The following RUNX2 variants were observed in gnomAD, a reference collection of about 807,000 sequenced individuals.
RUNX2 encodes runt-related transcription factor 2.
RUNX2 carries 10 observed loss-of-function variants against 51.7 expected under a neutral mutation model. That is an observed-to-expected ratio of 0.19 (90% confidence interval 0.12 to 0.33). RUNX2 has a LOEUF of 0.33. Ranked by LOEUF, RUNX2 falls within the 10% of genes least tolerant of loss-of-function variation. RUNX2 has a pLI of 1.00. For missense variants in RUNX2, 562 were observed against 691.3 expected, an observed-to-expected ratio of 0.81 and a Z score of 2.10; for synonymous variants, 276 against 273.6, an observed-to-expected ratio of 1.01 and a Z score of -0.09.
At chr6:45,480,233 G>A (rs994156099) in intron 5 of RUNX2, among the ~76,000 whole-genome samples, 1 of 152,176 alleles carries the variant, frequency 6.6e-6, no homozygotes, top group African/African-American at 2.4e-5. Context: ...GATATATGAG[G>A]TAATCCTTTG....
rs988065653 is a variant in RUNX2 at position 45,450,771 on chromosome 6, A to G, written c.685+12720A>G. Among the ~76,000 whole-genome samples the G allele has an allele frequency of 2.0e-5, 3 of 152,206 alleles. No homozygotes were observed. In the East Asian group the frequency reaches 5.8e-4, roughly 29 times the overall value. ...TGTGCAAACCTTGAACACAGTCAGT[A>G]TCAGAATCTAATATCTAATTTTGCA... is the stretch of plus-strand genomic sequence containing the variant. On this transcript the variant is annotated intron_variant, in intron 5 of 8. Coordinates refer to ENST00000647337, the MANE Select transcript of RUNX2 (RefSeq NM_001024630.4).
chr6:45,437,893 C>G, intron 4 of RUNX2, 54 bp from the exon 5 acceptor site: 1 of 1,285,514 alleles, frequency 7.8e-7, no homozygotes. Flanking sequence ...GCTGTGTAAT[C>G]ATCAACACTG....
chr6:45,386,837 A>T (rs1797358097), intron 2 of RUNX2, among the ~76,000 whole-genome samples: 1 of 152,244 alleles, frequency 6.6e-6, no homozygotes, highest in Non-Finnish European at 1.5e-5. Flanking sequence ...GAAATTTGAC[A>T]GGAGCCAGAT....
intron 3 of RUNX2, 148 bp downstream of exon 3, chr6:45,423,105 C>CT (rs1798270423): frequency 1.4e-6 from 1 of 705,790 alleles, no homozygotes; most frequent in Non-Finnish European, 2.2e-6. Flanking sequence ...GCCGGGCCTC[C>CT]CTCCGGATGC....
intron 5 of RUNX2, among the ~76,000 whole-genome samples, chr6:45,447,995 G>T (rs999069398): frequency 1.3e-5 from 2 of 152,196 alleles, no homozygotes; most frequent in Non-Finnish European, 2.9e-5. Context: ...AAACTTTCAG[G>T]TCATTATTAT....
intron 5 of RUNX2, among the ~76,000 whole-genome samples, chr6:45,472,151 T>C (rs1486574989): frequency 6.6e-6 from 1 of 152,232 alleles, no homozygotes; most frequent in Non-Finnish European, 1.5e-5. Context: ...ATTTTTAGTT[T>C]ATTTTTTATC....
intron 2 of RUNX2, among the ~76,000 whole-genome samples, chr6:45,420,610 T>C (rs887194627): frequency 3.3e-5 from 5 of 152,248 alleles, no homozygotes; most frequent in Non-Finnish European, 5.9e-5. Context: ...TAGGAATCTT[T>C]GAAACTTTGG....
At chr6:45,503,676 A>G (rs1800865792) in intron 6 of RUNX2, among the ~76,000 whole-genome samples, 1 of 152,188 alleles carries the variant, frequency 6.6e-6, no homozygotes, top group Non-Finnish European at 1.5e-5. Context: ...AGAGGCCAGG[A>G]CAGGTATGAC....
At chr6:45,365,641 A>G (rs998006223) in intron 2 of RUNX2, among the ~76,000 whole-genome samples, 5 of 148,442 alleles carry the variant, frequency 3.4e-5, no homozygotes, top group African/African-American at 1.0e-4. Context: ...CCTACGGTTC[A>G]TCAGCAATGC....
In RUNX2 at chr6:45,516,584, C is replaced by T. The variant is rs183491541; in HGVS notation, c.1021+4177C>T. On this transcript the variant is annotated intron_variant, in intron 7 of 8. Coordinates refer to ENST00000647337, the MANE Select transcript of RUNX2 (RefSeq NM_001024630.4). ...CCCCAGGTGATTTTATACATTATCT[C>T]ACTTCATCCTACATGTTTCTAAAAG... Among the ~76,000 whole-genome samples the T allele has an allele frequency of 6.6e-5, 10 of 152,322 alleles. No individual in the cohort carries two copies. In the East Asian group the frequency reaches 1.5e-3, roughly 24 times the overall value.
chr6:45,474,631 G>T (rs1217669489), intron 5 of RUNX2, among the ~76,000 whole-genome samples: 1 of 152,020 alleles, frequency 6.6e-6, no homozygotes, highest in African/African-American at 2.4e-5. Flanking sequence ...GTCCCTTTGA[G>T]CATCAGACTC....
In RUNX2 at chr6:45,511,735, T is replaced by A. The variant is rs576941492; in HGVS notation, c.860-511T>A. 5.3e-5 allele frequency among the ~76,000 whole-genome samples: 8 copies of A among 152,294 alleles called. No individual in the cohort carries two copies. The South Asian group carries it at 1.7e-3, about 32-fold the overall frequency. On this transcript the variant is annotated intron_variant, in intron 6 of 8. Coordinates refer to ENST00000647337, the MANE Select transcript of RUNX2 (RefSeq NM_001024630.4). Reference sequence around the variant, plus strand: ...GCCCTGAGATGAAATCATGGAATCATGCACTTTAAAACCAAAAAGCATGTC... The same window carrying A: ...GCCCTGAGATGAAATCATGGAATCAAGCACTTTAAAACCAAAAAGCATGTC...
chr6:45,498,813 C>T (rs1286339836), intron 6 of RUNX2, among the ~76,000 whole-genome samples: 4 of 152,156 alleles, frequency 2.6e-5, no homozygotes, highest in African/African-American at 7.2e-5. Flanking sequence ...GTGCTTGTCC[C>T]GAAACATTTA....
rs73735383 is a variant in RUNX2 at position 45,352,420 on chromosome 6, T to C, written c.58+23636T>C. On this transcript the variant is annotated intron_variant, in intron 2 of 8. Transcript: ENST00000647337. ...ACAAATCTAATAAATTTGATTACTA[T>C]ACTGTTGTAGACTGGAAGCAACATT... is the stretch of plus-strand genomic sequence containing the variant. 6.0e-3 allele frequency among the ~76,000 whole-genome samples: 919 copies of C among 152,318 alleles called. 14 individuals carry two copies. The highest frequency in any genetic ancestry group is 0.021 in the African/African-American group (877 of 41,568).
At chr6:45,442,747 T>A (rs1163186273) in intron 5 of RUNX2, among the ~76,000 whole-genome samples, 1 of 152,228 alleles carries the variant, frequency 6.6e-6, no homozygotes, top group Non-Finnish European at 1.5e-5. Flanking sequence ...ATGGTTTTTC[T>A]ATTTGTCAGG....
At chr6:45,537,629 C>T (rs534059786) in intron 7 of RUNX2, among the ~76,000 whole-genome samples, 14 of 152,286 alleles carry the variant, frequency 9.2e-5, no homozygotes, top group African/African-American at 3.4e-4. Context: ...TTTGCTAACA[C>T]CATGGGATGC....
At chr6:45,348,642 T>C (rs1290301804) in intron 2 of RUNX2, among the ~76,000 whole-genome samples, 3 of 137,888 alleles carry the variant, frequency 2.2e-5, no homozygotes, top group African/African-American at 8.3e-5. Context: ...ACCACTGCAC[T>C]CCAGCCTGGG....
intron 5 of RUNX2, among the ~76,000 whole-genome samples, chr6:45,461,229 G>A (rs977449389): frequency 6.6e-6 from 1 of 152,158 alleles, no homozygotes; most frequent in African/African-American, 2.4e-5. Flanking sequence ...CAGGCAGTAG[G>A]GTGGCCTCAT....
intron 2 of RUNX2, among the ~76,000 whole-genome samples, chr6:45,350,022 A>T (rs1035872875): frequency 2.0e-5 from 3 of 152,242 alleles, no homozygotes; most frequent in Non-Finnish European, 4.4e-5. Flanking sequence ...ATAAAGTAGT[A>T]TTGCCACTAT....
Sources: allele counts gnomAD v4.1 joint callset (sites outside exome capture counted in the v4.1 genomes callset), GRCh38; gene constraint gnomAD v4.1.1; transcripts MANE v1.5; gene names NCBI Gene and HGNC (gene_info 2026-07-23, HGNC 2026-07-21).